NWD1: variants seen among roughly 807,000 people sequenced by gnomAD.
The protein encoded by NWD1 is NACHT and WD repeat domain containing 1.
In NWD1, 129 loss-of-function variants were observed where a neutral mutation model predicts 135.1. The observed-to-expected ratio is 0.96, with a 90% CI of 0.83 to 1.11. The LOEUF is 1.11. Ranked by LOEUF, NWD1 falls within the 50% of genes least tolerant of loss-of-function variation. The pLI, the probability that NWD1 is intolerant of heterozygous loss-of-function variation, is 0.00. For synonymous variants in NWD1, 773 were observed against 786.0 expected (o/e 0.98, Z 0.28); for missense variants, 1,740 against 1,851.3 (o/e 0.94, Z 1.10).
intron 18 of NWD1, among the ~76,000 whole-genome samples, chr19:16,812,306 A>G (rs937643393): frequency 6.6e-6 from 1 of 150,948 alleles, no homozygotes; most frequent in South Asian, 2.1e-4. Context: ...TTAAAAAAAA[A>G]CAAAAACAAA....
intron 4 of NWD1, among the ~76,000 whole-genome samples, chr19:16,742,031 A>T (rs1265197406): frequency 6.6e-6 from 1 of 152,048 alleles, no homozygotes; most frequent in African/African-American, 2.4e-5. Flanking sequence ...GTGAGCTGAG[A>T]TTGTACCACT....
intron 8 of NWD1, among the ~76,000 whole-genome samples, 159 bp downstream of exon 8, chr19:16,762,297 CTTT>C (rs71180331): frequency 8.5e-6 from 1 of 118,114 alleles, no homozygotes; most frequent in Admixed American, 9.3e-5. Context: ...CCCCCCACTC[CTTT>C]TTTTTTTTTT....
chr19:16,725,918 C>T (rs991296291), intron 2 of NWD1, among the ~76,000 whole-genome samples: 1 of 151,844 alleles, frequency 6.6e-6, no homozygotes, highest in African/African-American at 2.4e-5. Flanking sequence ...GGACAACAGG[C>T]AGGCACCATC....
At chr19:16,744,004 G>A (rs1356626094) in intron 4 of NWD1, among the ~76,000 whole-genome samples, 2 of 152,068 alleles carry the variant, frequency 1.3e-5, no homozygotes, top group East Asian at 3.9e-4. Context: ...ATTAATACAA[G>A]TGTTTTACAT....
At chr19:16,787,067 T>C (rs1233766845) in intron 12 of NWD1, among the ~76,000 whole-genome samples, 2 of 152,322 alleles carry the variant, frequency 1.3e-5, no homozygotes, top group East Asian at 3.9e-4. Flanking sequence ...GGTCAGTTTT[T>C]CCCCTTTATG....
At chr19:16,732,335 C>T (rs983047222) in intron 3 of NWD1, among the ~76,000 whole-genome samples, 2 of 151,822 alleles carry the variant, frequency 1.3e-5, no homozygotes, top group African/African-American at 2.4e-5. Context: ...ACAGATTCAT[C>T]GCTGTGTCCC....
intron 11 of NWD1, among the ~76,000 whole-genome samples, chr19:16,778,870 A>T (rs1969755683): frequency 6.6e-6 from 1 of 152,132 alleles, no homozygotes; most frequent in Admixed American, 6.6e-5. Flanking sequence ...GTTTTCTTCA[A>T]CTAAGGCAGG....
chr19:16,764,029 G>A (rs1320452457), intron 9 of NWD1, 84 bp downstream of exon 9: 2 of 837,520 alleles, frequency 2.4e-6, no homozygotes, highest in East Asian at 2.5e-5. Flanking sequence ...AGGGTGAAGG[G>A]CAAACATGGA....
intron 18 of NWD1, 109 bp downstream of exon 18, chr19:16,808,245 G>T (rs1012742729): frequency 2.9e-6 from 3 of 1,047,036 alleles, no homozygotes; most frequent in Admixed American, 2.4e-5. Flanking sequence ...GGATGGGACT[G>T]GGGTGATGAA....
intron 3 of NWD1, among the ~76,000 whole-genome samples, chr19:16,733,275 C>T (rs1967655012): frequency 6.6e-6 from 1 of 151,612 alleles, no homozygotes; most frequent in Non-Finnish European, 1.5e-5. Context: ...AATCCCAGCA[C>T]TTTGGGAGGC....
chr19:16,815,308 A>C lies in NWD1; in HGVS notation c.*269A>C, dbSNP rs774582164. The C allele has an allele frequency of 6.4e-6, 5 of 780,388 alleles. No homozygotes were observed. Among genetic ancestry groups the C allele is most frequent in the Non-Finnish European group, 1.2e-5 (5 of 417,980 alleles). 48.3% of individuals were successfully genotyped at this position (780,388 alleles called of 1,614,324 possible). The stretch of plus-strand genomic sequence containing the variant: ...ATGAAACCAAATCAAACAAATGCTC[A>C]CAAGTGTGCCTGATAGTGTAAAAAA... On this transcript the variant is annotated 3_prime_UTR_variant, in exon 19 of 19. Transcript: ENST00000524140.
intron 12 of NWD1, among the ~76,000 whole-genome samples, chr19:16,784,910 T>C (rs1969986813): frequency 6.7e-6 from 1 of 150,046 alleles, no homozygotes; most frequent in Non-Finnish European, 1.5e-5. Context: ...GCCTGGGCGA[T>C]GACAGAGTGA....
rs770561579 is a variant in NWD1 at position 16,744,628 on chromosome 19, A to G, written c.406A>G (p.Thr136Ala). 63 of 1,535,118 alleles carry G rather than the reference A, an allele frequency of 4.1e-5. No individual in the cohort carries two copies. The highest frequency in any genetic ancestry group is 5.2e-5 in the Non-Finnish European group (60 of 1,146,550). ...GGAGGCCTGTGAACCAGAGGAGGCC[A>G]CCTTAACTTCTGTCCTACGCTCTGG... ...TGEACEPEEA[T>A]LTSVLRSGAQ... The change falls in exon 5 of 19, where the codon ACC becomes GCC. Residue 136 changes from threonine to alanine, a missense_variant. Coordinates refer to ENST00000524140, the MANE Select transcript of NWD1 (RefSeq NM_001007525.5).
chr19:16,721,940 C>T (rs1045677907), intron 1 of NWD1, among the ~76,000 whole-genome samples: 3 of 151,888 alleles, frequency 2.0e-5, no homozygotes, highest in Non-Finnish European at 4.4e-5. Context: ...GTGAGACTCC[C>T]GTCCCTACAA....
chr19:16,730,316 G>A (rs761628946), intron 2 of NWD1, among the ~76,000 whole-genome samples: 3 of 151,296 alleles, frequency 2.0e-5, no homozygotes, highest in African/African-American at 4.9e-5. Context: ...GTAAGACTTC[G>A]TCTCAAAAAA....
intron 13 of NWD1, 84 bp downstream of exon 13, chr19:16,789,274 TC>T (rs1162386378): frequency 3.8e-6 from 4 of 1,054,516 alleles, no homozygotes; most frequent in Non-Finnish European, 4.3e-6. Context: ...TAAGGAGGGC[TC>T]CCTGATACAG....
chr19:16,788,641 G>A (rs1046324375), intron 12 of NWD1, among the ~76,000 whole-genome samples: 12 of 152,006 alleles, frequency 7.9e-5, no homozygotes, highest in Non-Finnish European at 1.5e-5. Flanking sequence ...CAATAATGAG[G>A]GTGTGGCTGG....
chr19:16,771,379 G>A (rs543220278), intron 10 of NWD1, among the ~76,000 whole-genome samples: 1 of 152,234 alleles, frequency 6.6e-6, no homozygotes, highest in East Asian at 1.9e-4. Context: ...GAACCCGGGA[G>A]GCAGATGTTG....
intron 3 of NWD1, among the ~76,000 whole-genome samples, chr19:16,733,720 G>A (rs1324826974): frequency 1.3e-5 from 2 of 152,096 alleles, no homozygotes; most frequent in Non-Finnish European, 2.9e-5. Flanking sequence ...TGATGAAATG[G>A]TCAAGCTTTT....
Sources: gnomAD v4.1 joint callset for allele counts (sites outside exome capture counted in the v4.1 genomes callset) on GRCh38, gnomAD v4.1.1 for gene constraint, MANE v1.5 for transcripts, NCBI Gene and HGNC (gene_info 2026-07-23, HGNC 2026-07-21) for gene names.